The following AGAP1 variants were observed in gnomAD, a reference collection of about 807,000 sequenced individuals.
The protein encoded by AGAP1 is arf-GAP with GTPase, ANK repeat and PH domain-containing protein 1.
Under a neutral mutation model 105.3 loss-of-function variants are expected in AGAP1, and 29 were observed. The observed-to-expected ratio is 0.28, with a 90% CI of 0.21 to 0.38. AGAP1 has a LOEUF of 0.38. AGAP1 is among the 10% of genes least tolerant of loss of function. AGAP1 has a pLI of 1.00. For synonymous variants in AGAP1, 509 were observed against 485.9 expected, an observed-to-expected ratio of 1.05 and a Z score of -0.63; for missense variants, 998 against 1,165.1, an observed-to-expected ratio of 0.86 and a Z score of 2.09.
Position 235,609,589 on chromosome 2 carries a change from CCTGCATGCG to C in AGAP1, c.164-99588_164-99580del, listed in dbSNP as rs1946058960. ...GCCTGCTCCTCACTTTGACCCCGGA[CCTGCATGCG>C]CGCTGAGGATGGCAGAGGGGCTCCT... On this transcript the variant is annotated intron_variant, in intron 1 of 17. Coordinates refer to ENST00000304032, the MANE Select transcript of AGAP1 (RefSeq NM_001037131.3). The surrounding 1 kb of genome is among the most constrained non-coding windows in gnomAD (Gnocchi z 5.1). 6.6e-6 allele frequency among the ~76,000 whole-genome samples: 1 copy of C among 152,128 alleles called. No individual in the cohort carries two copies. The highest frequency in any genetic ancestry group is 1.5e-5 in the Non-Finnish European group (1 of 68,028).
intron 1 of AGAP1, among the ~76,000 whole-genome samples, chr2:235,644,249 T>G (rs530520544): frequency 4.6e-5 from 7 of 152,274 alleles, no homozygotes; most frequent in African/African-American, 1.7e-4. Flanking sequence ...AACAGTTAGA[T>G]TTCTTCCTGA....
chr2:235,690,428 ATAT>A lies in AGAP1; in HGVS notation c.164-18747_164-18745del, dbSNP rs61133968. 3.9e-3 allele frequency among the ~76,000 whole-genome samples: 588 copies of A among 152,218 alleles called. 4 individuals carry two copies. The highest frequency in any genetic ancestry group is 0.013 in the African/African-American group (560 of 41,528). On this transcript the variant is annotated intron_variant, in intron 1 of 17. Coordinates refer to ENST00000304032, the MANE Select transcript of AGAP1 (RefSeq NM_001037131.3). This position sits in a 1 kb window ranked among gnomAD's most constrained non-coding sequence, Gnocchi z 4.1. ...GGCAGAGCTCACATTGGAGCACTTGATATTATGCATTTGAAACATTGAGACACA... is the reference window on the plus strand; with the variant it reads ...GGCAGAGCTCACATTGGAGCACTTGATATGCATTTGAAACATTGAGACACA...
chr2:236,025,151 G>C (rs951900559), intron 13 of AGAP1, among the ~76,000 whole-genome samples: 1 of 152,160 alleles, frequency 6.6e-6, no homozygotes, highest in African/African-American at 2.4e-5. Flanking sequence ...TACAGTGAAT[G>C]AAATAGAAGC....
At position 235,692,176 on chromosome 2, in the gene AGAP1, G is replaced by A. The variant is rs1032101291; in HGVS notation, c.164-17003G>A. Among the ~76,000 whole-genome samples the A allele has an allele frequency of 2.8e-4, 43 of 152,180 alleles. No homozygotes were observed. The highest frequency in any genetic ancestry group is 1.0e-3 in the African/African-American group (42 of 41,518). ...CATAAGCCAAAGCCGGGGGCTCCCT[G>A]GCAGATGCCCCTACCTGGCCAGGTC... On this transcript the variant is annotated intron_variant, in intron 1 of 17. Transcript: ENST00000304032. The surrounding 1 kb of genome is among the most constrained non-coding windows in gnomAD (Gnocchi z 5.8).
chr2:235,679,013 G>A (rs1031216888), intron 1 of AGAP1, among the ~76,000 whole-genome samples: 3 of 152,204 alleles, frequency 2.0e-5, no homozygotes, highest in African/African-American at 4.8e-5. Flanking sequence ...GCCTTGACTC[G>A]AAAACTGATT....
rs561207612 is a variant in AGAP1 at position 236,117,614 on chromosome 2, G to A, written c.2115-2578G>A. Among the ~76,000 whole-genome samples the A allele has an allele frequency of 9.9e-5, 15 of 152,278 alleles. No individual in the cohort carries two copies. The South Asian group carries it at 2.9e-3, about 29-fold the overall frequency. ...AATGACTATTAAAGTCAATCGGAGC[G>A]GAATCAAATAGTTGTGGGATTTTAA... is the stretch of plus-strand genomic sequence containing the variant. On this transcript the variant is annotated intron_variant, in intron 16 of 17. Coordinates refer to ENST00000304032, the MANE Select transcript of AGAP1 (RefSeq NM_001037131.3).
In AGAP1 at chr2:236,121,106, C is replaced by T. The variant is rs572591942; in HGVS notation, c.2370+659C>T. Among the ~76,000 whole-genome samples, 2 of 152,244 alleles carry T rather than the reference C, an allele frequency of 1.3e-5. No homozygotes were observed. Among genetic ancestry groups the T allele is most frequent in the East Asian group, 3.9e-4 (2 of 5,166 alleles). On this transcript the variant is annotated intron_variant, in intron 17 of 17. Transcript: ENST00000304032. This position sits in a 1 kb window ranked among gnomAD's most constrained non-coding sequence, Gnocchi z 4.9. ...CCACCAGAGGCAGGCAGAAAGCTGC[C>T]GGCAGGGAGGCTCCCCAGATAGGGA... is the stretch of plus-strand genomic sequence containing the variant.
chr2:235,856,745 A>T (rs2106481594), intron 9 of AGAP1, among the ~76,000 whole-genome samples: 1 of 152,344 alleles, frequency 6.6e-6, no homozygotes, highest in Middle Eastern at 3.4e-3. Flanking sequence ...CAGGAGTTGG[A>T]TGTAGGACAA....
intron 13 of AGAP1, among the ~76,000 whole-genome samples, chr2:235,996,662 G>A (rs750988403): frequency 6.6e-6 from 1 of 152,204 alleles, no homozygotes; most frequent in Non-Finnish European, 1.5e-5. Context: ...TAAGGAGAGA[G>A]GCTGGAGCAC....
In AGAP1 at chr2:235,951,080, A is replaced by G. The variant is rs952505276; in HGVS notation, c.1484-17382A>G. On this transcript the variant is annotated intron_variant, in intron 12 of 17. Transcript: ENST00000304032. The surrounding 1 kb of genome is among the most constrained non-coding windows in gnomAD (Gnocchi z 4.2). ...TTCTGCTGGAAGTAAATTTAATTCTAGTTTTTAAATATCATTAATTCTGGA... is the reference window on the plus strand; with the variant it reads ...TTCTGCTGGAAGTAAATTTAATTCTGGTTTTTAAATATCATTAATTCTGGA... Among the ~76,000 whole-genome samples the G allele has an allele frequency of 3.3e-5, 5 of 152,132 alleles. No homozygotes were observed. The highest frequency in any genetic ancestry group is 1.2e-4 in the African/African-American group (5 of 41,438).
At chr2:235,498,433 T>A (rs1042798075) in intron 1 of AGAP1, among the ~76,000 whole-genome samples, 9 of 152,250 alleles carry the variant, frequency 5.9e-5, no homozygotes, top group African/African-American at 2.2e-4. Context: ...CACACAGCTG[T>A]GTCGTCTCTG....
rs1223702685 is a variant in AGAP1 at position 236,061,916 on chromosome 2, G to T, written c.2114+12635G>T. 6.6e-6 allele frequency among the ~76,000 whole-genome samples: 1 copy of T among 151,630 alleles called. No homozygotes were observed. The highest frequency in any genetic ancestry group is 6.6e-5 in the Admixed American group (1 of 15,200). On this transcript the variant is annotated intron_variant, in intron 16 of 17. Transcript: ENST00000304032. This position sits in a 1 kb window ranked among gnomAD's most constrained non-coding sequence, Gnocchi z 4.1. ...AAAAAGGAATTTCCAAAGGAAAACA[G>T]ATGAGCCAGGGCGTTCCACAAAGAG...
intron 9 of AGAP1, among the ~76,000 whole-genome samples, chr2:235,857,117 G>T (rs879553955): frequency 6.6e-6 from 1 of 152,188 alleles, no homozygotes; most frequent in African/African-American, 2.4e-5. Flanking sequence ...CCAGTCTGTG[G>T]CCTGTTAGGA....
At chr2:235,674,837 T>C in intron 1 of AGAP1, among the ~76,000 whole-genome samples, 1 of 151,674 alleles carries the variant, frequency 6.6e-6, no homozygotes. Context: ...TAGAGGCGCA[T>C]GCCACCGCAC....
At chr2:235,686,556 T>TATATACACAC (rs550721460) in intron 1 of AGAP1, among the ~76,000 whole-genome samples, 2 of 101,826 alleles carry the variant, frequency 2.0e-5, no homozygotes, top group African/African-American at 8.2e-5. Context: ...GATATATATA[T>TATATACACAC]ACACACACAC....
chr2:236,016,821 A>G (rs1219781078), intron 13 of AGAP1, among the ~76,000 whole-genome samples: 1 of 152,078 alleles, frequency 6.6e-6, no homozygotes, highest in Non-Finnish European at 1.5e-5. Flanking sequence ...TGCATATCCA[A>G]TTGTCCCTCA....
chr2:235,594,946 C>G (rs539871503), intron 1 of AGAP1, among the ~76,000 whole-genome samples: 1 of 120,106 alleles, frequency 8.3e-6, no homozygotes, highest in African/African-American at 3.3e-5. Flanking sequence ...AAGAAAGTTT[C>G]ATCTGCTGCT....
chr2:235,948,169 GT>G (rs139034116), intron 12 of AGAP1, among the ~76,000 whole-genome samples: 4 of 151,966 alleles, frequency 2.6e-5, no homozygotes, highest in South Asian at 2.1e-4. Flanking sequence ...GTTTTCTGGG[GT>G]TTTTTTTGTT....
chr2:235,713,208 A>G (rs1452440390), intron 2 of AGAP1, among the ~76,000 whole-genome samples: 2 of 152,224 alleles, frequency 1.3e-5, no homozygotes, highest in African/African-American at 4.8e-5. Context: ...TAAAAATTTA[A>G]TTCTGTGGCA....
Sources: gnomAD v4.1 joint callset for allele counts (sites outside exome capture counted in the v4.1 genomes callset) on GRCh38, gnomAD v4.1.1 for gene constraint, Gnocchi (gnomAD v3.1) non-coding constraint, MANE v1.5 for transcripts, NCBI Gene and HGNC (gene_info 2026-07-23, HGNC 2026-07-21) for gene names.